The following EFCAB12 variants were observed in gnomAD, a reference collection of about 807,000 sequenced individuals.
The protein encoded by EFCAB12 is EF-hand calcium binding domain 12, also known as EF-hand calcium-binding domain-containing protein 12.
EFCAB12 carries 43 observed loss-of-function variants against 53.6 expected under a neutral mutation model. The ratio of observed to expected loss-of-function variants is 0.80; its 90% CI spans 0.63 to 1.03. The LOEUF (loss-of-function observed/expected upper bound fraction) is 1.03. Ranked by LOEUF, EFCAB12 falls within the 50% of genes least tolerant of loss-of-function variation. EFCAB12 has a pLI of 0.00. For missense variants in EFCAB12, 646 were observed against 730.6 expected, an observed-to-expected ratio of 0.88 and a Z score of 1.34; for synonymous variants, 269 against 289.2, an observed-to-expected ratio of 0.93 and a Z score of 0.71.
At chr3:129,403,226 G>C (rs1036647707) in intron 7 of EFCAB12, 1 of 152,992 alleles carries the variant, frequency 6.5e-6, no homozygotes, top group African/African-American at 2.4e-5. Context: ...GTCACAGCCC[G>C]TGTCATGGCC....
chr3:129,427,269 C>T (rs895246875), intron 1 of EFCAB12, among the ~76,000 whole-genome samples: 20 of 152,162 alleles, frequency 1.3e-4, no homozygotes, highest in Admixed American at 3.3e-4. Context: ...GGATTACAGG[C>T]GTGAGATACT....
intron 1 of EFCAB12, among the ~76,000 whole-genome samples, chr3:129,424,164 C>T (rs976499878): frequency 2.0e-5 from 3 of 149,998 alleles, no homozygotes; most frequent in Non-Finnish European, 4.4e-5. Context: ...TCCTCGGTGC[C>T]CAGCCTGGCC....
chr3:129,419,301 G>C (rs1160880313), intron 2 of EFCAB12, among the ~76,000 whole-genome samples: 1 of 152,110 alleles, frequency 6.6e-6, no homozygotes, highest in African/African-American at 2.4e-5. Flanking sequence ...GTAAAAGTGT[G>C]GTCCCGTGGA....
chr3:129,427,232 C>A (rs2072284807), intron 1 of EFCAB12, among the ~76,000 whole-genome samples: 2 of 152,140 alleles, frequency 1.3e-5, no homozygotes, highest in South Asian at 2.1e-4. Context: ...TCAAGCAATC[C>A]TCCTGCCTCA....
chr3:129,409,368 G>A (rs1260526729), intron 5 of EFCAB12, among the ~76,000 whole-genome samples: 10 of 152,142 alleles, frequency 6.6e-5, no homozygotes, highest in East Asian at 1.9e-4. Context: ...GCTTGAGTCC[G>A]GGAAGTTGAG....
chr3:129,428,468 C>T lies in EFCAB12; in HGVS notation c.21G>A (p.Ala7=). Residue 7 remains alanine, a synonymous_variant, in exon 1 of 9, where the codon GCG becomes GCA. Coordinates refer to ENST00000505956, the MANE Select transcript of EFCAB12 (RefSeq NM_207307.3). ...GCAGCGACAAGAACAGACTGTGGTA[C>T]GCTTCATAGTCGTCGTCCATGGTCG... The part of the protein sequence containing the change: MDDDYE[A]YHSLFLSLLG... 1 of 1,611,266 alleles carries T rather than the reference C, an allele frequency of 6.2e-7. No individual in the cohort carries two copies. The highest frequency in any genetic ancestry group is 8.5e-7 in the Non-Finnish European group (1 of 1,178,720).
chr3:129,428,536 TC>T lies in EFCAB12; in HGVS notation c.-49del. The T allele has an allele frequency of 6.3e-7, 1 of 1,597,882 alleles. No individual in the cohort carries two copies. The highest frequency in any genetic ancestry group is 1.7e-5 in the Admixed American group (1 of 57,576). ...GCTGAAGGGCGTGTGTGAATGTGTG[TC>T]GATGTGGGCTTGCTTGCGTAGGGGT... On this transcript the variant is annotated 5_prime_UTR_variant, in exon 1 of 9. Transcript: ENST00000505956.
At position 129,403,855 on chromosome 3, in the gene EFCAB12, C is replaced by T. The variant is rs150859985; in HGVS notation, c.1403+395G>A. ...TCTTGCCAGAGAAGGGGTGTGGCCG[C>T]TGCAAGGTGGCAGGGCAGAGAAAGG... On this transcript the variant is annotated intron_variant, in intron 7 of 8. Transcript: ENST00000505956. 5.6e-3 allele frequency: 887 copies of T among 157,538 alleles called. 29 individuals carry two copies. In the South Asian group the frequency reaches 0.1, roughly 19 times the overall value. 9.8% of individuals were successfully genotyped at this position (157,538 alleles called of 1,614,324 possible).
At chr3:129,427,844 T>C (rs2072291108) in intron 1 of EFCAB12, among the ~76,000 whole-genome samples, 1 of 152,320 alleles carries the variant, frequency 6.6e-6, no homozygotes, top group South Asian at 2.1e-4. Flanking sequence ...TCTCACCTCA[T>C]TTCCAGAGAC....
intron 3 of EFCAB12, 131 bp from the exon 4 acceptor site, chr3:129,415,532 C>A: frequency 8.9e-7 from 1 of 1,121,804 alleles, no homozygotes. Flanking sequence ...CCCTACTATA[C>A]CCAAGGTCCC....
rs370048956 is a variant in EFCAB12, at chr3:129,409,549, C to T, written c.1036-691G>A. 2.3e-3 allele frequency among the ~76,000 whole-genome samples: 344 copies of T among 152,250 alleles called. 2 individuals carry two copies. The highest frequency in any genetic ancestry group is 4.0e-3 in the Non-Finnish European group (270 of 68,010). On this transcript the variant is annotated intron_variant, in intron 5 of 8. Coordinates refer to ENST00000505956, the MANE Select transcript of EFCAB12 (RefSeq NM_207307.3). ...ATGAGCTAAGATAGGAGGAGGCTGG[C>T]GGAGCAGGTAGCTGCTTTTGTTGGC...
chr3:129,409,165 C>G (rs1003250570), intron 5 of EFCAB12, among the ~76,000 whole-genome samples: 2 of 152,236 alleles, frequency 1.3e-5, no homozygotes, highest in Admixed American at 1.3e-4. Flanking sequence ...AAAGGACATT[C>G]GCGGGGCCAC....
chr3:129,404,895 C>T (rs1193941553), intron 6 of EFCAB12, among the ~76,000 whole-genome samples: 1 of 152,182 alleles, frequency 6.6e-6, no homozygotes, highest in African/African-American at 2.4e-5. Context: ...TCACTGCAGC[C>T]TCAACTTCCT....
At chr3:129,402,028 C>T (rs2071878789) in intron 8 of EFCAB12, among the ~76,000 whole-genome samples, 177 bp from the exon 9 acceptor site, 1 of 152,240 alleles carries the variant, frequency 6.6e-6, no homozygotes, top group African/African-American at 2.4e-5. Flanking sequence ...GTCGACCTCA[C>T]CTGTGAGGAC....
Position 129,401,855 on chromosome 3 carries a change from G to T in EFCAB12, c.1461-4C>A, listed in dbSNP as rs1467104539. 6.2e-7 allele frequency: 1 copy of T among 1,610,188 alleles called. No homozygotes were observed. The highest frequency in any genetic ancestry group is 1.1e-5 in the South Asian group (1 of 90,644). On this transcript the variant is annotated splice_polypyrimidine_tract_variant and splice_region_variant and intron_variant, in intron 8 of 8. Transcript: ENST00000505956. The stretch of plus-strand genomic sequence containing the variant: ...GGACCTCTTCACCTTCAGCTTCCTG[G>T]AAAACAAGAAGACACAGGGATGGTT...
chr3:129,413,417 C>T (rs950221627), intron 4 of EFCAB12: 1 of 152,268 alleles, frequency 6.6e-6, no homozygotes, highest in African/African-American at 2.4e-5. Context: ...AAACTTCACC[C>T]TCATACAATG....
At chr3:129,406,315 CCA>C (rs1180888301) in intron 6 of EFCAB12, among the ~76,000 whole-genome samples, 1 of 152,152 alleles carries the variant, frequency 6.6e-6, no homozygotes, top group Non-Finnish European at 1.5e-5. Context: ...CCCTCCCAAC[CCA>C]GGTAGCACAT....
intron 3 of EFCAB12, among the ~76,000 whole-genome samples, chr3:129,416,084 T>C (rs1260028069): frequency 6.6e-6 from 1 of 152,216 alleles, no homozygotes; most frequent in African/African-American, 2.4e-5. Flanking sequence ...TGCCTAGCCT[T>C]GATCAGAACT....
rs567796567 is a variant in EFCAB12 at position 129,421,647 on chromosome 3, G to A, written c.206C>T (p.Thr69Ile). Residue 69 changes from threonine to isoleucine, a missense_variant, in exon 2 of 9, where the codon ACA becomes ATA. Coordinates refer to ENST00000505956, the MANE Select transcript of EFCAB12 (RefSeq NM_207307.3). ...AGGTTGGGATGCAGGATTAAGGGGT[G>A]TCTGATCCTCCTTGCGAGGCACCAT... is the stretch of plus-strand genomic sequence containing the variant. ...IIMVPRKEDQ[T>I]PLNPASQPQA... 5.6e-5 allele frequency: 91 copies of A among 1,614,012 alleles called. No homozygotes were observed. Among genetic ancestry groups the A allele is most frequent in the South Asian group, 4.7e-4 (43 of 91,086 alleles).
Sources: allele counts gnomAD v4.1 joint callset (sites outside exome capture counted in the v4.1 genomes callset), GRCh38; gene constraint gnomAD v4.1.1; transcripts MANE v1.5; gene names NCBI Gene and HGNC (gene_info 2026-07-23, HGNC 2026-07-21).